The following CYRIB variants were observed in gnomAD, a reference collection of about 807,000 sequenced individuals.
The protein encoded by CYRIB is CYFIP-related Rac1 interactor B.
Under a neutral mutation model 44.2 loss-of-function variants are expected in CYRIB, and 8 were observed. The ratio of observed to expected loss-of-function variants is 0.18; its 90% CI spans 0.11 to 0.33. The LOEUF is 0.33. Among genes scored for constraint, CYRIB ranks in the 10% least tolerant of loss-of-function variants. The probability of loss-of-function intolerance (pLI) is 1.00; values close to 1 mark genes in which losing one functional copy is unlikely to be tolerated. For missense variants in CYRIB, 185 were observed against 382.8 expected (o/e 0.48, Z 4.31); for synonymous variants, 131 against 127.2 (o/e 1.03, Z -0.20).
intron 1 of CYRIB, among the ~76,000 whole-genome samples, chr8:130,000,976 T>C (rs977527478): frequency 4.6e-5 from 7 of 152,244 alleles, no homozygotes; most frequent in African/African-American, 1.7e-4. Flanking sequence ...ATATGTTTGG[T>C]ACCTACCTAC....
chr8:130,005,813 T>TA (rs58689229), intron 1 of CYRIB, among the ~76,000 whole-genome samples: 5,101 of 136,180 alleles, frequency 0.037, 327 homozygotes, highest in African/African-American at 0.12. Flanking sequence ...CCTCATCTCT[T>TA]AAAAAAAAAA....
Position 129,953,489 on chromosome 8 carries a change from C to T in CYRIB, c.-243+17454G>A, listed in dbSNP as rs180943412. Among the ~76,000 whole-genome samples the T allele has an allele frequency of 2.0e-5, 3 of 152,334 alleles. No homozygotes were observed. The East Asian group carries it at 5.8e-4, about 29-fold the overall frequency. On this transcript the variant is annotated intron_variant, in intron 2 of 14. Transcript: ENST00000401979. ...AGCAAACCAGGTCAGATCCCCTGTG[C>T]ACGTGCTCTCAACCTCTGTGCTTCT...
chr8:129,943,334 C>T (rs188026513), upstream of CYRIB, among the ~76,000 whole-genome samples: 616 of 151,992 alleles, frequency 4.1e-3, 6 homozygotes, highest in African/African-American at 0.014. Context: ...CACCTATAAT[C>T]CCAGTATTTT....
intron 2 of CYRIB, among the ~76,000 whole-genome samples, chr8:129,962,667 GC>G (rs1554716388): frequency 1.4e-5 from 2 of 140,772 alleles, no homozygotes; most frequent in Non-Finnish European, 3.2e-5. Context: ...TGATTTCAGA[GC>G]CCTCTTCTAT....
intron 1 of CYRIB, among the ~76,000 whole-genome samples, chr8:129,981,880 A>G (rs1591690183): frequency 6.6e-6 from 1 of 152,268 alleles, no homozygotes; most frequent in Non-Finnish European, 1.5e-5. Flanking sequence ...CCACCCGACC[A>G]CTGTCCCCCT....
intron 1 of CYRIB, among the ~76,000 whole-genome samples, chr8:129,919,714 A>G (rs2082569919): frequency 6.6e-6 from 1 of 152,216 alleles, no homozygotes; most frequent in African/African-American, 2.4e-5. Flanking sequence ...AAATAACTTA[A>G]TTTTAAGATT....
chr8:129,858,544 C>G (rs2047437274), intron 5 of CYRIB, among the ~76,000 whole-genome samples: 2 of 152,018 alleles, frequency 1.3e-5, no homozygotes, highest in African/African-American at 2.4e-5. Flanking sequence ...GTCGTTTATT[C>G]TCATCAACTG....
intron 4 of CYRIB, among the ~76,000 whole-genome samples, chr8:129,864,209 C>T (rs1441063202): frequency 6.6e-6 from 1 of 152,152 alleles, no homozygotes; most frequent in Non-Finnish European, 1.5e-5. Flanking sequence ...GAAGTCAATC[C>T]TACTTATGTC....
At chr8:129,994,357 C>G (rs1288758049) in intron 1 of CYRIB, among the ~76,000 whole-genome samples, 1 of 152,208 alleles carries the variant, frequency 6.6e-6, no homozygotes, top group Non-Finnish European at 1.5e-5. Flanking sequence ...TGCCAGTCTC[C>G]AGAACAGCTC....
intron 2 of CYRIB, among the ~76,000 whole-genome samples, chr8:129,898,255 A>T (rs12676834): frequency 0.025 from 3,849 of 152,186 alleles, 217 homozygotes; most frequent in East Asian, 0.18. Flanking sequence ...TTAAGTTAAT[A>T]AATGAACGTT....
intron 1 of CYRIB, among the ~76,000 whole-genome samples, 164 bp downstream of exon 1, chr8:130,016,206 C>T (rs2097341095): frequency 6.8e-6 from 1 of 147,152 alleles, no homozygotes; most frequent in African/African-American, 2.4e-5. Flanking sequence ...CCCCTGTCCA[C>T]CCGCCGCAGC....
In CYRIB at chr8:129,991,024, C is replaced by G. The variant is rs186574437; in HGVS notation, c.-295-20029G>C. Among the ~76,000 whole-genome samples the G allele has an allele frequency of 8.8e-3, 1,320 of 149,934 alleles. 14 individuals carry two copies. The highest frequency in any genetic ancestry group is 0.027 in the African/African-American group (1,115 of 40,862). ...GCAGGCGCCTGTAATCCCAGCTACT[C>G]GGGAGGCTGAGGCAGGAGAAACGCT... On this transcript the variant is annotated intron_variant, in intron 1 of 14. Coordinates refer to the CYRIB transcript ENST00000401979.
intron 4 of CYRIB, 88 bp downstream of exon 6, chr8:129,871,287 T>C (rs531891431): frequency 7.2e-5 from 102 of 1,415,350 alleles, no homozygotes; most frequent in South Asian, 1.3e-4. Context: ...ATATGAAATA[T>C]AGAATTCTGA....
At chr8:130,001,150 C>T (rs559034879) in intron 1 of CYRIB, among the ~76,000 whole-genome samples, 3 of 152,278 alleles carry the variant, frequency 2.0e-5, no homozygotes, top group East Asian at 3.9e-4. Context: ...CTCAGCCAGC[C>T]GCTGGGGTGC....
chr8:129,937,893 C>G (rs1242988756), intron 1 of CYRIB, among the ~76,000 whole-genome samples: 4 of 152,168 alleles, frequency 2.6e-5, no homozygotes, highest in Non-Finnish European at 4.4e-5. Context: ...CTCTCTCTCT[C>G]TCTCTCTCTC....
intron 1 of CYRIB, among the ~76,000 whole-genome samples, chr8:129,932,265 C>G (rs2091730847): frequency 6.6e-6 from 1 of 152,078 alleles, no homozygotes; most frequent in Non-Finnish European, 1.5e-5. Context: ...ACCAGCTGCC[C>G]TTTGCTCTAG....
chr8:130,003,275 T>C (rs1244507971), intron 1 of CYRIB, among the ~76,000 whole-genome samples: 2 of 152,216 alleles, frequency 1.3e-5, no homozygotes, highest in African/African-American at 4.8e-5. Context: ...TTTGTCCATA[T>C]TTTTTACTGT....
chr8:129,852,701 G>C (rs1485148125), intron 7 of CYRIB, among the ~76,000 whole-genome samples: 1 of 152,184 alleles, frequency 6.6e-6, no homozygotes, highest in Non-Finnish European at 1.5e-5. Flanking sequence ...TTATCCTTTT[G>C]CAGGTCATAT....
At chr8:129,934,954 T>G (rs2092523448) in intron 1 of CYRIB, among the ~76,000 whole-genome samples, 1 of 152,244 alleles carries the variant, frequency 6.6e-6, no homozygotes, top group South Asian at 2.1e-4. Flanking sequence ...ACATATAGCT[T>G]AGAAGGCATA....
Sources: allele counts gnomAD v4.1 joint callset (sites outside exome capture counted in the v4.1 genomes callset), GRCh38; gene constraint gnomAD v4.1.1; transcripts MANE v1.5; gene names NCBI Gene and HGNC (gene_info 2026-07-23, HGNC 2026-07-21).